The following GGTA1 variants were observed in gnomAD, a reference collection of about 807,000 sequenced individuals.
The protein encoded by GGTA1 is inactive N-acetyllactosaminide alpha-1,3-galactosyltransferase.
In GGTA1, 5 loss-of-function variants were observed where a neutral mutation model predicts 2.6. The ratio of observed to expected loss-of-function variants is 1.92; its 90% CI spans 1.00 to 4.04. The LOEUF (loss-of-function observed/expected upper bound fraction) is 4.04, where lower values mean the gene tolerates loss of function less well. Ranked by LOEUF, GGTA1 falls within the 30% of genes most tolerant of loss-of-function variation. The probability of loss-of-function intolerance (pLI) is 0.00; values close to 1 mark genes in which losing one functional copy is unlikely to be tolerated. For synonymous variants in GGTA1, 17 were observed against 5.0 expected (o/e 3.38, Z -3.19); for missense variants, 50 against 16.7 (o/e 2.99, Z -3.47).
chr9:121,499,449 CAG>C (rs1002434085), intron 1 of GGTA1, among the ~76,000 whole-genome samples, 199 bp downstream of exon 1: 1 of 152,132 alleles, frequency 6.6e-6, no homozygotes, highest in Non-Finnish European at 1.5e-5. Flanking sequence ...AGGATGGGGA[CAG>C]AGGGACAGAA....
At chr9:121,474,854 C>T (rs545278770) in intron 1 of GGTA1, among the ~76,000 whole-genome samples, 5 of 22,014 alleles carry the variant, frequency 2.3e-4, no homozygotes, top group South Asian at 1.2e-3. Flanking sequence ...GAATTCTCCT[C>T]CCAGCCTGAG....
At chr9:121,468,993 G>A (rs1828317804) in intron 1 of GGTA1, among the ~76,000 whole-genome samples, 4 of 152,146 alleles carry the variant, frequency 2.6e-5, no homozygotes, top group Admixed American at 2.0e-4. Flanking sequence ...AAATGACCCT[G>A]GGTTTACAAG....
At chr9:121,454,356 C>T (rs1246172580), downstream of GGTA1, among the ~76,000 whole-genome samples, 1 of 152,208 alleles carries the variant, frequency 6.6e-6, no homozygotes, top group African/African-American at 2.4e-5. Context: ...AGTCTCAGAG[C>T]AGCTTATTAT....
chr9:121,481,549 G>A (rs183383738), intron 1 of GGTA1, among the ~76,000 whole-genome samples: 1 of 151,786 alleles, frequency 6.6e-6, no homozygotes, highest in Non-Finnish European at 1.5e-5. Context: ...TGGGTGTGGT[G>A]GCATGTGCTT....
chr9:121,463,898 C>T (rs1447787531), intron 2 of GGTA1, among the ~76,000 whole-genome samples: 1 of 152,166 alleles, frequency 6.6e-6, no homozygotes, highest in Non-Finnish European at 1.5e-5. Context: ...AGCCTAATGC[C>T]ATGGCCAACT....
intron 1 of GGTA1, among the ~76,000 whole-genome samples, chr9:121,489,390 G>A (rs1828827818): frequency 6.6e-6 from 1 of 152,086 alleles, no homozygotes; most frequent in African/African-American, 2.4e-5. Context: ...TAGAGGTGAG[G>A]TCTTACTATG....
chr9:121,478,117 G>A (rs569176252), intron 1 of GGTA1, among the ~76,000 whole-genome samples: 1 of 148,884 alleles, frequency 6.7e-6, no homozygotes, highest in Non-Finnish European at 1.5e-5. Context: ...ATAGCATAAG[G>A]TGGTGGAGTT....
intron 1 of GGTA1, chr9:121,479,002 A>G (rs1589334859): frequency 2.2e-6 from 1 of 445,932 alleles, no homozygotes; most frequent in African/African-American, 2.0e-5. Flanking sequence ...GAAAAACTCC[A>G]GGCTGCAGCT....
chr9:121,479,002 AGGCTGCAGCTT>A (rs1292417799), intron 1 of GGTA1: 4 of 446,052 alleles, frequency 9.0e-6, no homozygotes, highest in South Asian at 1.6e-5. Flanking sequence ...GAAAAACTCC[AGGCTGCAGCTT>A]GGCTGCAGCC....
intron 1 of GGTA1, among the ~76,000 whole-genome samples, chr9:121,481,680 C>CAAAAAAAA (rs34813039): frequency 1.9e-4 from 12 of 64,206 alleles, no homozygotes; most frequent in East Asian, 4.2e-4. Flanking sequence ...GACTCTGTCT[C>CAAAAAAAA]AAAAAAAAAA....
chr9:121,462,148 A>C (rs1210942571), intron 3 of GGTA1, among the ~76,000 whole-genome samples: 1 of 152,112 alleles, frequency 6.6e-6, no homozygotes, highest in Admixed American at 6.5e-5. Context: ...ACACAGTGAA[A>C]CCCCATCTCT....
chr9:121,485,087 C>G (rs1828731924), intron 1 of GGTA1, among the ~76,000 whole-genome samples: 1 of 152,246 alleles, frequency 6.6e-6, no homozygotes, highest in South Asian at 2.1e-4. Flanking sequence ...AATTTGGAAT[C>G]TGGAAGAGGC....
intron 2 of GGTA1, among the ~76,000 whole-genome samples, chr9:121,465,936 G>A (rs1173865267): frequency 2.0e-5 from 3 of 151,666 alleles, no homozygotes; most frequent in Non-Finnish European, 4.4e-5. Context: ...TTTTTTTTGA[G>A]ACAGTGCCTT....
intron 1 of GGTA1, among the ~76,000 whole-genome samples, chr9:121,472,371 A>G (rs1441970906): frequency 1.3e-5 from 2 of 152,160 alleles, no homozygotes; most frequent in Non-Finnish European, 2.9e-5. Context: ...CCCATAAAAT[A>G]TTTAGCACTG....
chr9:121,464,440 C>G (rs2064987391), intron 2 of GGTA1, among the ~76,000 whole-genome samples: 1 of 148,472 alleles, frequency 6.7e-6, no homozygotes, highest in Admixed American at 6.9e-5. Flanking sequence ...AATTCTCCTG[C>G]CTAAGCCTCC....
intron 1 of GGTA1, among the ~76,000 whole-genome samples, chr9:121,499,349 A>T (rs1564660037): frequency 6.7e-6 from 1 of 149,226 alleles, no homozygotes; most frequent in African/African-American, 2.5e-5. Context: ...CTCTTCCCCC[A>T]CCCCAACCCC....
rs571373757 is a variant in GGTA1, at chr9:121,476,004, C to T, written c.-9-8073G>A. Among the ~76,000 whole-genome samples the T allele has an allele frequency of 6.6e-6, 1 of 152,208 alleles. No homozygotes were observed. The highest frequency in any genetic ancestry group is 2.4e-5 in the African/African-American group (1 of 41,530). On this transcript the variant is annotated intron_variant, in intron 1 of 5. Transcript: ENST00000481799. The surrounding 1 kb of genome is among the most constrained non-coding windows in gnomAD (Gnocchi z 4.6). ...ATATACAAAATGGAGATTCTAACACCCTCCTCAAAGGGTTCTTGAAAGCAT... is the reference window on the plus strand; with the variant it reads ...ATATACAAAATGGAGATTCTAACACTCTCCTCAAAGGGTTCTTGAAAGCAT...
chr9:121,445,517 C>G (rs2064848397), exon 8 of GGTA1: 1 of 152,138 alleles, frequency 6.6e-6, no homozygotes, highest in South Asian at 2.1e-4. Flanking sequence ...GACTGGAACA[C>G]AAGCAAAACA....
chr9:121,467,846 T>C lies in GGTA1; in HGVS notation c.77A>G (p.Asn26Ser), dbSNP rs2065015734. The C allele has an allele frequency of 4.4e-6, 2 of 456,020 alleles. No individual in the cohort carries two copies. The highest frequency in any genetic ancestry group is 2.4e-5 in the Admixed American group (1 of 42,464). 28.2% of individuals were successfully genotyped at this position (456,020 alleles called of 1,614,324 possible). A position where few individuals can be genotyped will look rare whatever the true frequency, so the allele number is the denominator to read the frequency against. The change falls in exon 2 of 6, where the codon AAC becomes AGC. Residue 26 changes from asparagine (N) to serine (S), a missense_variant. Physicochemically the swap from Asn to Ser is conservative, Grantham distance 46 (BLOSUM62 1). Transcript: ENST00000481799. ...TVIIVFWEFI[N>S]STEGSFLWIY... ...CTTCATCATGTTTCATAATTACCTG[T>C]TGATAAATTCCCAAAACACAATGAT...
Sources: allele counts gnomAD v4.1 joint callset (sites outside exome capture counted in the v4.1 genomes callset), GRCh38; gene constraint gnomAD v4.1.1; non-coding constraint Gnocchi (gnomAD v3.1); transcripts MANE v1.5; gene names NCBI Gene and HGNC (gene_info 2026-07-23, HGNC 2026-07-21).